The following SFRP1 variants were observed in gnomAD, a reference collection of about 807,000 sequenced individuals.
The protein encoded by SFRP1 is secreted frizzled related protein 1.
Under a neutral mutation model 25.9 loss-of-function variants are expected in SFRP1, and 9 were observed. The observed-to-expected ratio is 0.35, with a 90% CI of 0.21 to 0.61. SFRP1 has a LOEUF of 0.61. SFRP1 is among the 20% of genes least tolerant of loss of function. SFRP1 has a pLI of 0.78. For missense variants in SFRP1, 346 were observed against 418.2 expected, an observed-to-expected ratio of 0.83 and a Z score of 1.51; for synonymous variants, 178 against 174.0, an observed-to-expected ratio of 1.02 and a Z score of -0.18.
intron 2 of SFRP1, among the ~76,000 whole-genome samples, chr8:41,278,208 A>G (rs1482127287): frequency 1.3e-5 from 2 of 152,188 alleles, no homozygotes; most frequent in African/African-American, 4.8e-5. Flanking sequence ...CACTACTTAC[A>G]GAATTGCTGA....
At chr8:41,303,598 C>T in intron 1 of SFRP1, 60 bp from the exon 2 acceptor site, 2 of 1,420,626 alleles carry the variant, frequency 1.4e-6, no homozygotes, top group Non-Finnish European at 2.0e-6. Flanking sequence ...GGGAGCAGCC[C>T]CTGGGGAAAA....
chr8:41,290,527 C>A (rs192918217), intron 2 of SFRP1, among the ~76,000 whole-genome samples: 1 of 152,198 alleles, frequency 6.6e-6, no homozygotes, highest in African/African-American at 2.4e-5. Context: ...CTGCGGTGAC[C>A]TAAGTATGAG....
At chr8:41,300,305 G>A (rs949468581) in intron 2 of SFRP1, among the ~76,000 whole-genome samples, 1 of 152,160 alleles carries the variant, frequency 6.6e-6, no homozygotes, top group Non-Finnish European at 1.5e-5. Context: ...TTCTCTTTAT[G>A]AGGAAATATA....
chr8:41,294,273 GT>G (rs1451427986), intron 2 of SFRP1, among the ~76,000 whole-genome samples: 2 of 152,286 alleles, frequency 1.3e-5, no homozygotes, highest in African/African-American at 4.8e-5. Context: ...CCGACATATA[GT>G]TGGGGATTTC....
intron 2 of SFRP1, among the ~76,000 whole-genome samples, chr8:41,288,007 C>T (rs1301716593): frequency 6.6e-6 from 1 of 151,896 alleles, no homozygotes. Context: ...AACTTGAGGC[C>T]AGGAGTTCAA....
chr8:41,274,663 C>T (rs965505223), intron 2 of SFRP1, among the ~76,000 whole-genome samples: 1 of 152,108 alleles, frequency 6.6e-6, no homozygotes, highest in African/African-American at 2.4e-5. Context: ...GAAGAAATCA[C>T]TAAAATACTT....
intron 2 of SFRP1, among the ~76,000 whole-genome samples, chr8:41,280,592 A>T (rs1048223356): frequency 1.3e-5 from 2 of 152,176 alleles, no homozygotes; most frequent in Admixed American, 1.3e-4. Flanking sequence ...TGAGAGCTGA[A>T]GGGAGCAAGC....
rs1352675480 is a variant in SFRP1 at position 41,264,902 on chromosome 8, G to T, written c.*265C>A. 4 of 421,144 alleles carry T rather than the reference G, an allele frequency of 9.5e-6. No homozygotes were observed. In the East Asian group the frequency reaches 1.1e-4, roughly 12 times the overall value. 26.1% of individuals were successfully genotyped at this position (421,144 alleles called of 1,614,324 possible). On this transcript the variant is annotated 3_prime_UTR_variant, in exon 3 of 3. Coordinates refer to ENST00000220772, the MANE Select transcript of SFRP1 (RefSeq NM_003012.5). The stretch of plus-strand genomic sequence containing the variant: ...GAAATGGTTTGTCACCTCCTCCTGT[G>T]CAGTGGCTGCTGCTCCACATTGCGG...
intron 2 of SFRP1, among the ~76,000 whole-genome samples, chr8:41,296,506 G>GAA (rs33933653): frequency 1.7e-3 from 213 of 125,508 alleles, no homozygotes; most frequent in African/African-American, 4.1e-3. Context: ...TGTTCTTCTG[G>GAA]AAAAAAAAAA....
In SFRP1 at chr8:41,265,087, G is replaced by A; in HGVS notation, c.*80C>T. The A allele has an allele frequency of 9.8e-7, 1 of 1,023,788 alleles. No homozygotes were observed. Among genetic ancestry groups the A allele is most frequent in the Admixed American group, 2.3e-5 (1 of 43,240 alleles). 63.4% of individuals were successfully genotyped at this position (1,023,788 alleles called of 1,614,324 possible). A position where few individuals can be genotyped will look rare whatever the true frequency, so the allele number is the denominator to read the frequency against. ...ACTGACAGGCGCAGTGCGTGTGTGT[G>A]ACCCACCGGGTTCCCGGGGCACTGT... On this transcript the variant is annotated 3_prime_UTR_variant, in exon 3 of 3. Transcript: ENST00000220772.
At chr8:41,303,763 G>T (rs1376478380) in intron 1 of SFRP1, among the ~76,000 whole-genome samples, 1 of 152,164 alleles carries the variant, frequency 6.6e-6, no homozygotes, top group Non-Finnish European at 1.5e-5. Context: ...TGCTAAATGT[G>T]ACACAGTTAT....
intron 1 of SFRP1, 151 bp downstream of exon 1, chr8:41,308,465 A>C: frequency 1.5e-6 from 1 of 647,272 alleles, no homozygotes; most frequent in Non-Finnish European, 2.6e-6. Context: ...GCGCTTAGGA[A>C]TCACGTGCAC....
Position 41,265,112 on chromosome 8 carries a change from T to TCCCCCCCCCCCCCCCCC in SFRP1, c.*54_*55insGGGGGGGGGGGGGGGGG. ...GACCCACCGGGTTCCCGGGGCACTGTCCCCCCCGCTCCCACCCCACCCGAG... is the reference window on the plus strand; with the variant it reads ...GACCCACCGGGTTCCCGGGGCACTGTCCCCCCCCCCCCCCCCCCCCCCCCGCTCCCACCCCACCCGAG... On this transcript the variant is annotated 3_prime_UTR_variant, in exon 3 of 3. Coordinates refer to ENST00000220772, the MANE Select transcript of SFRP1 (RefSeq NM_003012.5). 3.9e-6 allele frequency: 2 copies of TCCCCCCCCCCCCCCCCC among 517,774 alleles called. No individual in the cohort carries two copies. Among genetic ancestry groups the TCCCCCCCCCCCCCCCCC allele is most frequent in the Non-Finnish European group, 7.2e-6 (2 of 279,106 alleles). 32.1% of individuals were successfully genotyped at this position (517,774 alleles called of 1,614,324 possible). A position where few individuals can be genotyped will look rare whatever the true frequency, so the allele number is the denominator to read the frequency against.
intron 2 of SFRP1, chr8:41,271,707 G>T (rs951215891): frequency 3.9e-5 from 6 of 152,036 alleles, no homozygotes; most frequent in African/African-American, 1.2e-4. Flanking sequence ...GCCCGCACCT[G>T]TAATCTCAGC....
Position 41,308,754 on chromosome 8 carries a change from C to G in SFRP1, c.406G>C (p.Val136Leu). ...ATGACCGGCTCGCACGAGTCGCGCA[C>G]GGCCTCGCAGAGCCAGCGACACGGG... ...IYPCRWLCEA[V>L]RDSCEPVMQF... The change falls in exon 1 of 3, where the codon GTG becomes CTG. Residue 136 changes from valine (V) to leucine (L), a missense_variant. Transcript: ENST00000220772. 6.2e-7 allele frequency: 1 copy of G among 1,608,390 alleles called. No individual in the cohort carries two copies. Among genetic ancestry groups the G allele is most frequent in the Non-Finnish European group, 8.5e-7 (1 of 1,177,768 alleles).
chr8:41,300,782 C>G (rs569492808), intron 2 of SFRP1, among the ~76,000 whole-genome samples: 2 of 152,106 alleles, frequency 1.3e-5, no homozygotes, highest in Non-Finnish European at 2.9e-5. Context: ...AAAGCAGAGC[C>G]CTGCAAGCTG....
chr8:41,309,351 C>T lies in SFRP1; in HGVS notation c.-192G>A. The stretch of plus-strand genomic sequence containing the variant: ...GCCCTCGGCCTGCGGTCGGAGGCGG[C>T]GCGGGCGGGGAGGCGGCGCTGCGGG... On this transcript the variant is annotated 5_prime_UTR_variant, in exon 1 of 3. Transcript: ENST00000220772. 2.0e-6 allele frequency: 1 copy of T among 487,900 alleles called. No individual in the cohort carries two copies. The highest frequency in any genetic ancestry group is 2.9e-6 in the Non-Finnish European group (1 of 343,248). The allele number at this position is 487,900 out of a possible 1,614,324, so 30.2% of individuals were successfully genotyped here.
intron 2 of SFRP1, among the ~76,000 whole-genome samples, chr8:41,274,330 G>C (rs1422148623): frequency 1.3e-5 from 2 of 152,146 alleles, no homozygotes; most frequent in Non-Finnish European, 2.9e-5. Flanking sequence ...GAAAGCTTGG[G>C]GCTGAATTCA....
In SFRP1 at chr8:41,262,627, T is replaced by A. The variant is rs1803388683; in HGVS notation, c.*2540A>T. The stretch of plus-strand genomic sequence containing the variant: ...GGACCTCCCAGGACTCTATCCAGAA[T>A]GATTATTGTAAAGCTTTACAAATCC... On this transcript the variant is annotated 3_prime_UTR_variant, in exon 3 of 3. Coordinates refer to ENST00000220772, the MANE Select transcript of SFRP1 (RefSeq NM_003012.5). 1 of 152,262 alleles carries A rather than the reference T, an allele frequency of 6.6e-6. No homozygotes were observed. Among genetic ancestry groups the A allele is most frequent in the Admixed American group, 6.5e-5 (1 of 15,288 alleles). 9.4% of individuals were successfully genotyped at this position (152,262 alleles called of 1,614,324 possible).
Sources: allele counts gnomAD v4.1 joint callset (sites outside exome capture counted in the v4.1 genomes callset), GRCh38; gene constraint gnomAD v4.1.1; transcripts MANE v1.5; gene names NCBI Gene and HGNC (gene_info 2026-07-23, HGNC 2026-07-21).